Variants in EBF1 observed in about 807,000 individuals in gnomAD.
The protein encoded by EBF1 is EBF transcription factor 1.
A neutral mutation model predicts 68.4 loss-of-function variants in EBF1; 10 were observed. The observed-to-expected ratio is 0.15, with a 90% confidence interval of 0.09 to 0.25. The LOEUF (loss-of-function observed/expected upper bound fraction) is 0.25. Among genes scored for constraint, EBF1 ranks in the 10% least tolerant of loss-of-function variants. The pLI, the probability that EBF1 is intolerant of heterozygous loss-of-function variation, is 1.00. For synonymous variants in EBF1, 298 were observed against 299.8 expected (o/e 0.99, Z 0.06); for missense variants, 509 against 794.4 (o/e 0.64, Z 4.32).
chr5:158,913,799 A>T (rs1431766516), intron 6 of EBF1, among the ~76,000 whole-genome samples: 1 of 152,262 alleles, frequency 6.6e-6, no homozygotes, highest in Non-Finnish European at 1.5e-5. Context: ...GAGCGCGAGT[A>T]TTATACCAAC....
At chr5:159,027,815 G>T (rs1272430694) in intron 6 of EBF1, among the ~76,000 whole-genome samples, 1 of 152,150 alleles carries the variant, frequency 6.6e-6, no homozygotes, top group Non-Finnish European at 1.5e-5. Context: ...CACTCAGCAG[G>T]GTAGGCCACA....
intron 6 of EBF1, among the ~76,000 whole-genome samples, chr5:158,908,034 C>A (rs540450117): frequency 6.6e-6 from 1 of 152,216 alleles, no homozygotes; most frequent in African/African-American, 2.4e-5. Flanking sequence ...CTCCCCAACA[C>A]CCCACCACCG....
At chr5:158,856,979 GAAA>G (rs869196374) in intron 6 of EBF1, among the ~76,000 whole-genome samples, 4 of 148,090 alleles carry the variant, frequency 2.7e-5, no homozygotes, top group Admixed American at 6.7e-5. Context: ...TTAAAAGCGA[GAAA>G]AAACAAAACA....
At chr5:158,832,382 T>A (rs1397094524) in intron 7 of EBF1, among the ~76,000 whole-genome samples, 1 of 152,350 alleles carries the variant, frequency 6.6e-6, no homozygotes, top group East Asian at 1.9e-4. Context: ...AGGTTGAAAA[T>A]CACCATTTGT....
chr5:159,020,840 G>C (rs966600806), intron 6 of EBF1, among the ~76,000 whole-genome samples: 1 of 152,010 alleles, frequency 6.6e-6, no homozygotes, highest in Non-Finnish European at 1.5e-5. Flanking sequence ...AAACTATGGG[G>C]ATAAGTAATA....
At chr5:158,928,611 TG>T (rs1168416614) in intron 6 of EBF1, among the ~76,000 whole-genome samples, 1 of 152,218 alleles carries the variant, frequency 6.6e-6, no homozygotes, top group African/African-American at 2.4e-5. Context: ...GCAATGAAAT[TG>T]GGATGTCCAT....
At chr5:159,087,921 C>G (rs1485422180) in intron 4 of EBF1, among the ~76,000 whole-genome samples, 1 of 152,172 alleles carries the variant, frequency 6.6e-6, no homozygotes, top group Non-Finnish European at 1.5e-5. Flanking sequence ...AGTTTCTTCT[C>G]TCCCTCTCCT....
intron 10 of EBF1, among the ~76,000 whole-genome samples, chr5:158,747,203 G>T (rs1251806593): frequency 6.6e-6 from 1 of 152,160 alleles, no homozygotes; most frequent in Non-Finnish European, 1.5e-5. Flanking sequence ...TCAAATGTTG[G>T]AGCCGAACCA....
chr5:159,062,468 G>C (rs7733049), intron 6 of EBF1, among the ~76,000 whole-genome samples: 38,604 of 151,230 alleles, frequency 0.26, 5,458 homozygotes, highest in Non-Finnish European at 0.31. Context: ...TTGGGGGTGG[G>C]GGACAGGAAG....
chr5:159,013,293 C>A (rs1279222263), intron 6 of EBF1, among the ~76,000 whole-genome samples: 1 of 152,188 alleles, frequency 6.6e-6, no homozygotes, highest in Non-Finnish European at 1.5e-5. Flanking sequence ...AAAGCAGACA[C>A]AGGCCCTGCC....
intron 6 of EBF1, among the ~76,000 whole-genome samples, chr5:158,899,199 C>T (rs1368659168): frequency 6.6e-6 from 1 of 152,160 alleles, no homozygotes; most frequent in Non-Finnish European, 1.5e-5. Flanking sequence ...ATTGCAATTA[C>T]TTGTGAGTTA....
intron 15 of EBF1, among the ~76,000 whole-genome samples, chr5:158,700,141 G>T (rs1025370681): frequency 6.6e-6 from 1 of 152,242 alleles, no homozygotes; most frequent in Admixed American, 6.5e-5. Context: ...CATCACTTCT[G>T]CTACTAAACT....
intron 6 of EBF1, among the ~76,000 whole-genome samples, chr5:158,948,370 G>A (rs1037603783): frequency 1.3e-5 from 2 of 150,264 alleles, no homozygotes; most frequent in Admixed American, 6.6e-5. Flanking sequence ...ATGTACACTG[G>A]AATGTTTAAA....
At position 158,974,959 on chromosome 5, in the gene EBF1, T is replaced by C. The variant is rs190753358; in HGVS notation, c.554+98437A>G. 1.5e-4 allele frequency among the ~76,000 whole-genome samples: 23 copies of C among 152,316 alleles called. No individual in the cohort carries two copies. In the East Asian group the frequency reaches 4.0e-3, roughly 27 times the overall value. On this transcript the variant is annotated intron_variant, in intron 6 of 15. Transcript: ENST00000313708. ...GACACCAGTCCATTATACTAACTAA[T>C]GGCACACTTAGAAGAAAATGCCATC... is the stretch of plus-strand genomic sequence containing the variant.
chr5:158,790,481 C>T (rs1778379839), intron 9 of EBF1, among the ~76,000 whole-genome samples: 1 of 151,372 alleles, frequency 6.6e-6, no homozygotes, highest in African/African-American at 2.4e-5. Flanking sequence ...AATATATCTC[C>T]CTGTAAGGTG....
intron 5 of EBF1, among the ~76,000 whole-genome samples, chr5:159,076,363 A>T (rs540873706): frequency 6.6e-6 from 1 of 152,260 alleles, no homozygotes; most frequent in African/African-American, 2.4e-5. Context: ...GGTGCACCTC[A>T]TCCCAACCCG....
At chr5:159,085,967 G>T (rs1218715767) in intron 4 of EBF1, among the ~76,000 whole-genome samples, 1 of 151,980 alleles carries the variant, frequency 6.6e-6, no homozygotes, top group African/African-American at 2.4e-5. Flanking sequence ...AATGAACATT[G>T]CAGTAAAATA....
At chr5:159,065,814 A>G (rs1776701548) in intron 6 of EBF1, among the ~76,000 whole-genome samples, 1 of 152,208 alleles carries the variant, frequency 6.6e-6, no homozygotes, top group South Asian at 2.1e-4. Context: ...AAAGTGTTAA[A>G]GAAAACAATA....
At chr5:158,841,124 A>C (rs1582442229) in intron 6 of EBF1, among the ~76,000 whole-genome samples, 1 of 152,314 alleles carries the variant, frequency 6.6e-6, no homozygotes, top group African/African-American at 2.4e-5. Flanking sequence ...CCAATTTGCC[A>C]AGAAAAATCC....
Sources: gnomAD v4.1 joint callset for allele counts (sites outside exome capture counted in the v4.1 genomes callset) on GRCh38, gnomAD v4.1.1 for gene constraint, MANE v1.5 for transcripts, NCBI Gene and HGNC (gene_info 2026-07-23, HGNC 2026-07-21) for gene names.